Variants in STK24 observed in about 807,000 individuals in gnomAD.
STK24 encodes the protein serine/threonine kinase 24.
A neutral mutation model predicts 55.6 loss-of-function variants in STK24; 21 were observed. That is an observed-to-expected ratio of 0.38 (90% CI 0.27 to 0.54). STK24 has a LOEUF of 0.54. Ranked by LOEUF, STK24 falls within the 20% of genes least tolerant of loss-of-function variation. The pLI, the probability that STK24 is intolerant of heterozygous loss-of-function variation, is 0.79. For missense variants in STK24, 383 were observed against 538.4 expected (o/e 0.71, Z 2.86); for synonymous variants, 200 against 215.2 (o/e 0.93, Z 0.62).
chr13:98,494,428 A>AAAAAAAAAAAAAAAAAT (rs58955737), intron 2 of STK24, among the ~76,000 whole-genome samples: 1 of 148,884 alleles, frequency 6.7e-6, no homozygotes, highest in African/African-American at 2.5e-5. Context: ...AAAAAAAAAA[A>AAAAAAAAAAAAAAAAAT]GTGCCTCTAA....
At chr13:98,493,710 CA>C (rs962295747) in intron 2 of STK24, among the ~76,000 whole-genome samples, 44 of 151,560 alleles carry the variant, frequency 2.9e-4, no homozygotes, top group African/African-American at 9.9e-4. Flanking sequence ...CAATGAAAAC[CA>C]AAAAAAGTGA....
chr13:98,557,879 A>G (rs1049982812), intron 1 of STK24, among the ~76,000 whole-genome samples: 1 of 152,224 alleles, frequency 6.6e-6, no homozygotes, highest in African/African-American at 2.4e-5. Flanking sequence ...TGTGCCATTT[A>G]AAGACACCAT....
chr13:98,563,662 T>C (rs1477695656), intron 1 of STK24, among the ~76,000 whole-genome samples: 2 of 151,702 alleles, frequency 1.3e-5, no homozygotes, highest in Non-Finnish European at 2.9e-5. Flanking sequence ...ATCGAGACCA[T>C]CCTGGCTAAC....
chr13:98,498,518 G>A (rs1895331217), intron 2 of STK24, among the ~76,000 whole-genome samples: 1 of 152,206 alleles, frequency 6.6e-6, no homozygotes, highest in Admixed American at 6.5e-5. Context: ...GGTAAAATGA[G>A]GGCATTGGTT....
intron 1 of STK24, among the ~76,000 whole-genome samples, chr13:98,561,522 C>G (rs1177178076): frequency 2.0e-5 from 3 of 151,208 alleles, no homozygotes; most frequent in African/African-American, 7.3e-5. Flanking sequence ...GCAGAGGTTG[C>G]AATGAGCGAA....
At chr13:98,555,352 C>T (rs1372159700) in intron 1 of STK24, among the ~76,000 whole-genome samples, 2 of 152,112 alleles carry the variant, frequency 1.3e-5, no homozygotes, top group African/African-American at 2.4e-5. Flanking sequence ...GAGGCCGAGG[C>T]AGGCAGATCA....
At chr13:98,523,030 G>A (rs1368814240) in intron 1 of STK24, among the ~76,000 whole-genome samples, 1 of 152,208 alleles carries the variant, frequency 6.6e-6, no homozygotes, top group Non-Finnish European at 1.5e-5. Flanking sequence ...TCCCCTGGAA[G>A]GCTTGTTAGG....
At chr13:98,463,091 T>TG (rs1200598926) in intron 7 of STK24, among the ~76,000 whole-genome samples, 1 of 152,172 alleles carries the variant, frequency 6.6e-6, no homozygotes. Context: ...ACCTGCACTG[T>TG]GGGCCAACTT....
At chr13:98,466,094 TA>T (rs1322208046) in intron 6 of STK24, among the ~76,000 whole-genome samples, 1 of 152,242 alleles carries the variant, frequency 6.6e-6, no homozygotes, top group Non-Finnish European at 1.5e-5. Flanking sequence ...CTATAAATAT[TA>T]AACATTTATG....
intron 2 of STK24, among the ~76,000 whole-genome samples, chr13:98,503,974 C>A (rs1347347968): frequency 2.0e-5 from 3 of 152,162 alleles, no homozygotes. Context: ...CCTGCGATGG[C>A]CAAACACTCT....
intron 5 of STK24, among the ~76,000 whole-genome samples, chr13:98,473,611 G>A (rs976045412): frequency 1.3e-5 from 2 of 152,196 alleles, no homozygotes; most frequent in African/African-American, 2.4e-5. Context: ...GACACTCCCA[G>A]GCAAGGGCAC....
intron 1 of STK24, among the ~76,000 whole-genome samples, chr13:98,533,871 G>A (rs1266859637): frequency 1.3e-5 from 2 of 152,122 alleles, no homozygotes; most frequent in African/African-American, 4.8e-5. Flanking sequence ...ACCCTAGAGA[G>A]AATAATGCTC....
chr13:98,475,008 C>T lies in STK24; in HGVS notation c.440-30G>A, dbSNP rs138960611. 25 of 1,585,236 alleles carry T rather than the reference C, an allele frequency of 1.6e-5. 1 individual carries two copies. The African/African-American group carries it at 2.3e-4, about 15-fold the overall frequency. Reference sequence around the variant, plus strand: ...AAAAGAAAGCCAAGGCGGCCCTGGGCGGTGCGGACTTACAACTCCGTGCAC... The same window carrying T: ...AAAAGAAAGCCAAGGCGGCCCTGGGTGGTGCGGACTTACAACTCCGTGCAC... On this transcript the variant is annotated intron_variant, in intron 4 of 10. Coordinates refer to ENST00000539966, the MANE Select transcript of STK24 (RefSeq NM_001032296.4).
At chr13:98,549,851 C>CCA (rs1488929085) in intron 1 of STK24, among the ~76,000 whole-genome samples, 2 of 152,290 alleles carry the variant, frequency 1.3e-5, no homozygotes, top group African/African-American at 4.8e-5. Context: ...CCTAAAGGCC[C>CCA]CACCTCGAAA....
chr13:98,561,972 C>T (rs1275545799), intron 1 of STK24, among the ~76,000 whole-genome samples: 1 of 118,510 alleles, frequency 8.4e-6, no homozygotes, highest in South Asian at 2.8e-4. Context: ...AGTGAGACTC[C>T]GTCTCAAAAA....
intron 5 of STK24, among the ~76,000 whole-genome samples, chr13:98,471,253 C>T (rs969885193): frequency 1.3e-5 from 2 of 152,232 alleles, no homozygotes; most frequent in African/African-American, 4.8e-5. Context: ...GCTCATCCCA[C>T]CACGCTTTCA....
intron 1 of STK24, among the ~76,000 whole-genome samples, chr13:98,532,101 C>T (rs921587831): frequency 9.9e-5 from 15 of 152,098 alleles, no homozygotes; most frequent in African/African-American, 2.7e-4. Context: ...AACTCTCACA[C>T]GCGGCCAAGG....
rs1361670922 is a variant in STK24 at position 98,460,365 on chromosome 13, T to A, written c.1122+7A>T. On this transcript the variant is annotated splice_region_variant and intron_variant, in intron 9 of 10. Transcript: ENST00000539966. ...TCCCACTCCGAAAAGGCCAGCCAGG[T>A]ACCTACCTCTGCAAACAGAGGAGAA... 6.2e-7 allele frequency: 1 copy of A among 1,612,700 alleles called. No homozygotes were observed. The highest frequency in any genetic ancestry group is 1.7e-5 in the Admixed American group (1 of 59,942).
At chr13:98,569,082 T>C (rs988818904) in intron 1 of STK24, among the ~76,000 whole-genome samples, 24 of 152,102 alleles carry the variant, frequency 1.6e-4, no homozygotes, top group African/African-American at 4.8e-4. Flanking sequence ...AGCCACATCA[T>C]TGTGAAACTT....
Sources: gnomAD v4.1 joint callset for allele counts (sites outside exome capture counted in the v4.1 genomes callset) on GRCh38, gnomAD v4.1.1 for gene constraint, MANE v1.5 for transcripts, NCBI Gene and HGNC (gene_info 2026-07-23, HGNC 2026-07-21) for gene names.